The following IRF2 variants were observed in gnomAD, a reference collection of about 807,000 sequenced individuals.
IRF2 encodes interferon regulatory factor 2.
IRF2 carries 15 observed loss-of-function variants against 40.6 expected under a neutral mutation model. The observed-to-expected ratio is 0.37, with a 90% CI of 0.25 to 0.57. The LOEUF (loss-of-function observed/expected upper bound fraction) is 0.57, where lower values mean the gene tolerates loss of function less well. Among genes scored for constraint, IRF2 ranks in the 20% least tolerant of loss-of-function variants. The pLI is 0.77. For missense variants in IRF2, 317 were observed against 455.7 expected, an observed-to-expected ratio of 0.70 and a Z score of 2.77; for synonymous variants, 151 against 165.5, an observed-to-expected ratio of 0.91 and a Z score of 0.67.
chr4:184,409,342 T>A (rs1025383173), intron 5 of IRF2, among the ~76,000 whole-genome samples: 2 of 152,012 alleles, frequency 1.3e-5, no homozygotes, highest in African/African-American at 4.8e-5. Context: ...AAAAAGTCAC[T>A]AACGGAAGGA....
chr4:184,419,571 GAAAAAAAAAA>G lies in IRF2; in HGVS notation c.88-13_88-4del. On this transcript the variant is annotated splice_polypyrimidine_tract_variant and splice_region_variant and intron_variant, in intron 2 of 8. Coordinates refer to ENST00000393593, the MANE Select transcript of IRF2 (RefSeq NM_002199.4). ...GGGATCTGAAAAATCTTCTTTTCCTGAAAAAAAAAAAAAAAAAAAAGGTAAAGAACTGGAG... is the reference window on the plus strand; with the variant it reads ...GGGATCTGAAAAATCTTCTTTTCCTGAAAAAAAAAAGGTAAAGAACTGGAG... 1 of 911,510 alleles carries G rather than the reference GAAAAAAAAAA, an allele frequency of 1.1e-6. No individual in the cohort carries two copies. 56.5% of individuals were successfully genotyped at this position (911,510 alleles called of 1,614,324 possible). A position where few individuals can be genotyped will look rare whatever the true frequency, so the allele number is the denominator to read the frequency against.
intron 1 of IRF2, among the ~76,000 whole-genome samples, chr4:184,454,022 T>C (rs1211185447): frequency 1.3e-5 from 2 of 152,232 alleles, no homozygotes; most frequent in Non-Finnish European, 2.9e-5. Flanking sequence ...CTGACTTCAA[T>C]CACATCACTA....
At chr4:184,447,981 C>G (rs1427250128) in intron 1 of IRF2, among the ~76,000 whole-genome samples, 1 of 152,110 alleles carries the variant, frequency 6.6e-6, no homozygotes. Context: ...TTCTGATGGC[C>G]GTGCCAGGGT....
At chr4:184,422,562 T>A (rs1287333381) in intron 2 of IRF2, among the ~76,000 whole-genome samples, 1 of 152,164 alleles carries the variant, frequency 6.6e-6, no homozygotes, top group Non-Finnish European at 1.5e-5. Context: ...GTAAACAAAA[T>A]GTGGTATATC....
chr4:184,422,185 C>T (rs1480621788), intron 2 of IRF2, among the ~76,000 whole-genome samples: 1 of 152,170 alleles, frequency 6.6e-6, no homozygotes, highest in Non-Finnish European at 1.5e-5. Context: ...CCAAAGAAGC[C>T]TCGTTTTTTT....
rs1471526150 is a variant in IRF2, at chr4:184,473,090, C to T, written c.-7+1289G>A. 2.0e-5 allele frequency among the ~76,000 whole-genome samples: 3 copies of T among 152,010 alleles called. No individual in the cohort carries two copies. In the East Asian group the frequency reaches 5.8e-4, roughly 29 times the overall value. ...GGAGCAGGCGGGCGCCGCGATTGGC[C>T]GCGGCCGGCTTCACTCGGTGGGCGA... On this transcript the variant is annotated intron_variant, in intron 1 of 8. Transcript: ENST00000393593.
intron 1 of IRF2, among the ~76,000 whole-genome samples, chr4:184,439,368 G>C (rs1025087475): frequency 5.4e-4 from 60 of 112,088 alleles, no homozygotes; most frequent in Non-Finnish European, 1.0e-3. Context: ...AAAAAAAAAA[G>C]GTCCCTGGCC....
intron 1 of IRF2, among the ~76,000 whole-genome samples, chr4:184,457,479 G>C (rs1276835525): frequency 6.6e-6 from 1 of 152,130 alleles, no homozygotes; most frequent in African/African-American, 2.4e-5. Context: ...TCTCTAACTT[G>C]GGTTTCTTAC....
rs145688148 is a variant in IRF2, at chr4:184,398,182, G to A, written c.694+733C>T. Among the ~76,000 whole-genome samples, 29 of 152,258 alleles carry A rather than the reference G, an allele frequency of 1.9e-4. 1 individual carries two copies. The East Asian group carries it at 3.3e-3, about 17-fold the overall frequency. On this transcript the variant is annotated intron_variant, in intron 7 of 8. Transcript: ENST00000393593. ...ACACTTGCTGACTGTACGACCCTGC[G>A]CAAGCCCCTTCCCTTTCAGAAATGA...
At chr4:184,429,259 G>A (rs1163497013) in intron 1 of IRF2, among the ~76,000 whole-genome samples, 189 bp from the exon 2 acceptor site, 1 of 152,206 alleles carries the variant, frequency 6.6e-6, no homozygotes, top group Non-Finnish European at 1.5e-5. Flanking sequence ...CGGCCAGGGG[G>A]CTATCTGGAG....
At chr4:184,452,047 G>A (rs1738731771) in intron 1 of IRF2, among the ~76,000 whole-genome samples, 1 of 152,152 alleles carries the variant, frequency 6.6e-6, no homozygotes, top group Admixed American at 6.5e-5. Context: ...AGACAAGCAA[G>A]GGTTTAAAGC....
At chr4:184,399,170 G>T in intron 6 of IRF2, 91 bp from the exon 7 acceptor site, 4 of 1,359,958 alleles carry the variant, frequency 2.9e-6, no homozygotes. Context: ...AAAAGAGCCA[G>T]GTCGCCAGGC....
At chr4:184,414,607 C>T (rs2149898615) in intron 5 of IRF2, among the ~76,000 whole-genome samples, 1 of 152,352 alleles carries the variant, frequency 6.6e-6, no homozygotes, top group East Asian at 1.9e-4. Context: ...GATATGCTCA[C>T]AAAGCGAAAT....
intron 1 of IRF2, among the ~76,000 whole-genome samples, chr4:184,461,344 A>G (rs892568355): frequency 6.6e-6 from 1 of 152,218 alleles, no homozygotes; most frequent in African/African-American, 2.4e-5. Context: ...TGGCAAAAAA[A>G]TCTGTCACAT....
intron 6 of IRF2, among the ~76,000 whole-genome samples, chr4:184,407,802 C>T (rs1360919640): frequency 2.0e-5 from 3 of 152,166 alleles, no homozygotes; most frequent in Admixed American, 6.5e-5. Flanking sequence ...TGAGAGGACT[C>T]GCGAGGACCA....
intron 5 of IRF2, among the ~76,000 whole-genome samples, chr4:184,411,960 C>T (rs1737089671): frequency 6.7e-6 from 1 of 148,516 alleles, no homozygotes; most frequent in Admixed American, 6.7e-5. Context: ...ATCAAGTAAC[C>T]CATAGCTTTC....
intron 5 of IRF2, among the ~76,000 whole-genome samples, chr4:184,409,692 G>A (rs554445506): frequency 4.6e-5 from 7 of 152,180 alleles, no homozygotes; most frequent in East Asian, 1.9e-4. Context: ...CCAGGAGTTC[G>A]AGACCAGCCT....
chr4:184,443,950 T>A (rs1738407691), intron 1 of IRF2, among the ~76,000 whole-genome samples: 1 of 152,204 alleles, frequency 6.6e-6, no homozygotes, highest in Non-Finnish European at 1.5e-5. Context: ...AACATGCAAA[T>A]TCCTAATAAG....
At chr4:184,434,087 C>T (rs548063209) in intron 1 of IRF2, among the ~76,000 whole-genome samples, 4 of 152,302 alleles carry the variant, frequency 2.6e-5, no homozygotes, top group African/African-American at 9.6e-5. Flanking sequence ...CTTCCATTAT[C>T]GAAAGTCAAG....
Sources: gnomAD v4.1 joint callset for allele counts (sites outside exome capture counted in the v4.1 genomes callset) on GRCh38, gnomAD v4.1.1 for gene constraint, MANE v1.5 for transcripts, NCBI Gene and HGNC (gene_info 2026-07-23, HGNC 2026-07-21) for gene names.